Variants in TMCO4 observed in about 807,000 individuals in gnomAD.
TMCO4 encodes transmembrane and coiled-coil domain-containing protein 4.
In TMCO4, 58 loss-of-function variants were observed where a neutral mutation model predicts 64.7. The ratio of observed to expected loss-of-function variants is 0.90; its 90% CI spans 0.73 to 1.12. The LOEUF (loss-of-function observed/expected upper bound fraction) is 1.12. Ranked by LOEUF, TMCO4 falls within the 50% of genes most tolerant of loss-of-function variation. The pLI is 0.00. For synonymous variants in TMCO4, 325 were observed against 346.1 expected (o/e 0.94, Z 0.68); for missense variants, 780 against 825.9 (o/e 0.94, Z 0.68).
rs34764589 is a variant in TMCO4 at position 19,690,866 on chromosome 1, C to CTT, written c.1500+3566_1500+3567dup. ...TGAGCCAAGTCTATCTGTGAAGACT[C>CTT]TTTTTTTTTTTTTTTTTTTTGAAAC... On this transcript the variant is annotated intron_variant, in intron 15 of 15. Coordinates refer to ENST00000294543, the MANE Select transcript of TMCO4 (RefSeq NM_181719.7). Among the ~76,000 whole-genome samples, 703 of 111,200 alleles carry CTT rather than the reference C, an allele frequency of 6.3e-3. 18 individuals carry two copies. The highest frequency in any genetic ancestry group is 0.012 in the African/African-American group (360 of 28,878). The allele number at this position is 111,200 out of a possible 152,430, so 73.0% of individuals were successfully genotyped here. A position where few individuals can be genotyped will look rare whatever the true frequency, so the allele number is the denominator to read the frequency against.
chr1:19,750,813 G>A (rs2041994469), intron 7 of TMCO4, among the ~76,000 whole-genome samples: 1 of 152,176 alleles, frequency 6.6e-6, no homozygotes, highest in African/African-American at 2.4e-5. Flanking sequence ...GGAGTCAGCC[G>A]AGATGGGACA....
chr1:19,754,936 CAGCTTAAAAA>C (rs2042177449), intron 7 of TMCO4, among the ~76,000 whole-genome samples: 1 of 152,000 alleles, frequency 6.6e-6, no homozygotes. Context: ...AAGAACATTG[CAGCTTAAAAA>C]AGCAAGGCCA....
At chr1:19,776,329 G>C (rs2043202127) in intron 4 of TMCO4, among the ~76,000 whole-genome samples, 1 of 152,212 alleles carries the variant, frequency 6.6e-6, no homozygotes. Flanking sequence ...AATGCTTATG[G>C]CCAGGCAACA....
At chr1:19,689,581 T>G (rs2095176284) in intron 15 of TMCO4, among the ~76,000 whole-genome samples, 1 of 152,236 alleles carries the variant, frequency 6.6e-6, no homozygotes, top group Non-Finnish European at 1.5e-5. Context: ...AGTAAACCAG[T>G]GGCAGAGCCA....
At chr1:19,725,670 G>C (rs969217976) in intron 13 of TMCO4, among the ~76,000 whole-genome samples, 1 of 152,100 alleles carries the variant, frequency 6.6e-6, no homozygotes, top group Non-Finnish European at 1.5e-5. Context: ...GCTGGGACTT[G>C]GACTGTTGCT....
intron 13 of TMCO4, among the ~76,000 whole-genome samples, chr1:19,710,177 G>A (rs1366214073): frequency 6.6e-6 from 1 of 151,966 alleles, no homozygotes; most frequent in Non-Finnish European, 1.5e-5. Flanking sequence ...TGTGATCATA[G>A]CTCACTGCAG....
chr1:19,723,772 T>C (rs992045817), intron 13 of TMCO4, among the ~76,000 whole-genome samples: 6 of 152,112 alleles, frequency 3.9e-5, no homozygotes, highest in Non-Finnish European at 7.4e-5. Context: ...GGAAGCTAAG[T>C]GGATTTATCT....
intron 13 of TMCO4, among the ~76,000 whole-genome samples, chr1:19,715,820 CT>C (rs978617554): frequency 3.9e-5 from 6 of 152,222 alleles, no homozygotes; most frequent in Non-Finnish European, 8.8e-5. Context: ...CCCCGGGCAT[CT>C]CCCTGGCAGA....
At chr1:19,735,348 G>A (rs914327453) in intron 13 of TMCO4, among the ~76,000 whole-genome samples, 1 of 152,184 alleles carries the variant, frequency 6.6e-6, no homozygotes, top group African/African-American at 2.4e-5. Context: ...TAAGTGACTA[G>A]CCCAAGGTCC....
In TMCO4 at chr1:19,747,217, A is replaced by G. The variant is rs539279097; in HGVS notation, c.559T>C (p.Trp187Arg). Residue 187 changes from tryptophan (W) to arginine (R), a missense_variant, in exon 8 of 16, where the codon TGG (tryptophan) becomes CGG (arginine). Trp to Arg is a moderately radical substitution (Grantham distance 101, BLOSUM62 -3). Transcript: ENST00000294543. Reference protein sequence around the residue: ...SRKKKENRRKWKRYLLIGLAT... With the variant: ...SRKKKENRRKRKRYLLIGLAT... ...AGGCCTATCAGGAGATAACGCTTCC[A>G]TTTCCTCCGGTTTTCTTTCTTCTTT... The G allele has an allele frequency of 2.5e-5, 40 of 1,613,928 alleles. No individual in the cohort carries two copies. The South Asian group carries it at 3.8e-4, about 16-fold the overall frequency.
chr1:19,710,391 C>T (rs549484877), intron 13 of TMCO4, among the ~76,000 whole-genome samples: 3 of 151,952 alleles, frequency 2.0e-5, no homozygotes, highest in South Asian at 2.1e-4. Context: ...GGGATTCCAT[C>T]GCACCTGGCT....
Position 19,771,293 on chromosome 1 carries a change from AGGTGTTG to A in TMCO4, c.354+8_354+14del. 6.2e-7 allele frequency: 1 copy of A among 1,609,338 alleles called. No individual in the cohort carries two copies. The highest frequency in any genetic ancestry group is 2.2e-5 in the East Asian group (1 of 44,804). The stretch of plus-strand genomic sequence containing the variant: ...TCTACTGTCCCCAGCAGCCACCACC[AGGTGTTG>A]GGTGTACCTGAGTGATCACCGTCGG... On this transcript the variant is annotated splice_region_variant and intron_variant, in intron 5 of 15. Coordinates refer to ENST00000294543, the MANE Select transcript of TMCO4 (RefSeq NM_181719.7).
At chr1:19,716,186 A>ATTATTATT (rs57847602) in intron 13 of TMCO4, among the ~76,000 whole-genome samples, 2 of 130,954 alleles carry the variant, frequency 1.5e-5, no homozygotes, top group African/African-American at 6.2e-5. Flanking sequence ...TATTATTATT[A>ATTATTATT]ATTTATTTAT....
chr1:19,756,033 G>A (rs2042240971), intron 6 of TMCO4, among the ~76,000 whole-genome samples: 1 of 152,114 alleles, frequency 6.6e-6, no homozygotes, highest in Admixed American at 6.6e-5. Flanking sequence ...GATCGCTTGA[G>A]TCCAGGAGTT....
rs1377494510 is a variant in TMCO4 at position 19,732,040 on chromosome 1, T to G, written c.1264+5332A>C. ...TGAAGGCCGGCATGGACAGCGGGGGTTTTAAACTGAGCGGGGCCTGTGCAC... is the reference window on the plus strand; with the variant it reads ...TGAAGGCCGGCATGGACAGCGGGGGGTTTAAACTGAGCGGGGCCTGTGCAC... On this transcript the variant is annotated intron_variant, in intron 13 of 15. Transcript: ENST00000294543. This position sits in a 1 kb window ranked among gnomAD's most constrained non-coding sequence, Gnocchi z 4.8. Among the ~76,000 whole-genome samples the G allele has an allele frequency of 1.3e-5, 2 of 151,546 alleles. No homozygotes were observed. Among genetic ancestry groups the G allele is most frequent in the Admixed American group, 6.6e-5 (1 of 15,198 alleles).
At chr1:19,782,316 T>C (rs1287422150) in intron 3 of TMCO4, among the ~76,000 whole-genome samples, 1 of 152,126 alleles carries the variant, frequency 6.6e-6, no homozygotes, top group East Asian at 1.9e-4. Flanking sequence ...TGGGATTCCC[T>C]TTATATGAAA....
At position 19,746,707 on chromosome 1, in the gene TMCO4, G is replaced by A. The variant is rs11579623; in HGVS notation, c.614-108C>T. 6,633 of 1,334,796 alleles carry A rather than the reference G, an allele frequency of 5.0e-3. 21 individuals carry two copies. The highest frequency in any genetic ancestry group is 6.4e-3 in the Middle Eastern group (24 of 3,748). The allele number at this position is 1,334,796 out of a possible 1,614,324, so 82.7% of individuals were successfully genotyped here. ...TGGGAGGCCGAGGTGGGCGGATCAC[G>A]AGGTCAGGAGATCGAGACTATCCTG... On this transcript the variant is annotated intron_variant, in intron 8 of 15. Transcript: ENST00000294543.
intron 13 of TMCO4, among the ~76,000 whole-genome samples, chr1:19,711,317 GC>G (rs1366148023): frequency 5.3e-5 from 8 of 152,172 alleles, no homozygotes; most frequent in Non-Finnish European, 1.2e-4. Flanking sequence ...CCTACAAGAA[GC>G]TTTCCTTTGC....
chr1:19,748,805 C>G (rs1189541433), intron 7 of TMCO4, among the ~76,000 whole-genome samples: 1 of 151,946 alleles, frequency 6.6e-6, no homozygotes, highest in Non-Finnish European at 1.5e-5. Flanking sequence ...AGCTTGGGAA[C>G]AGAGTGAGAC....
Sources: allele counts gnomAD v4.1 joint callset (sites outside exome capture counted in the v4.1 genomes callset), GRCh38; gene constraint gnomAD v4.1.1; non-coding constraint Gnocchi (gnomAD v3.1); transcripts MANE v1.5; gene names NCBI Gene and HGNC (gene_info 2026-07-23, HGNC 2026-07-21).